Variants in ADH1B observed in about 807,000 individuals in gnomAD.
ADH1B encodes the protein alcohol dehydrogenase 1B (class I), beta polypeptide.
ADH1B carries 29 observed loss-of-function variants against 34.6 expected under a neutral mutation model. The ratio of observed to expected loss-of-function variants is 0.84; its 90% confidence interval spans 0.62 to 1.14. The LOEUF (loss-of-function observed/expected upper bound fraction) is 1.14, where lower values mean the gene tolerates loss of function less well. Among genes scored for constraint, ADH1B ranks in the 50% most tolerant of loss-of-function variants. The pLI is 0.00. For missense variants in ADH1B, 424 were observed against 468.4 expected, an observed-to-expected ratio of 0.91 and a Z score of 0.87; for synonymous variants, 170 against 175.5, an observed-to-expected ratio of 0.97 and a Z score of 0.25.
rs28914791 is a variant in ADH1B, at chr4:99,306,305, C to G, written c.*1535G>C. 1.3e-5 allele frequency: 2 copies of G among 152,180 alleles called. No individual in the cohort carries two copies. Among genetic ancestry groups the G allele is most frequent in the African/African-American group, 2.4e-5 (1 of 41,426 alleles). The allele number at this position is 152,180 out of a possible 1,614,324, so 9.4% of individuals were successfully genotyped here. ...ACAGGGATAAGCCACTGCGCCACCC[C>G]CCACCCCGCTTTAGCATTTTTGACA... On this transcript the variant is annotated 3_prime_UTR_variant, in exon 9 of 9. Coordinates refer to ENST00000305046, the MANE Select transcript of ADH1B (RefSeq NM_000668.6).
chr4:99,320,835 G>C lies in ADH1B; in HGVS notation c.18+479C>G, dbSNP rs919795180. ...TGTGAAATCAATGAGTATTTTGTAAGATATTTTATAGTAAGGTTAAAGGAT... is the reference window on the plus strand; with the variant it reads ...TGTGAAATCAATGAGTATTTTGTAACATATTTTATAGTAAGGTTAAAGGAT... On this transcript the variant is annotated intron_variant, in intron 1 of 8. Transcript: ENST00000305046. 3 of 1,228,308 alleles carry C rather than the reference G, an allele frequency of 2.4e-6. No homozygotes were observed. The African/African-American group carries it at 4.8e-5, about 20-fold the overall frequency. 76.1% of individuals were successfully genotyped at this position (1,228,308 alleles called of 1,614,324 possible).
rs1733877113 is a variant in ADH1B, at chr4:99,316,068, A to C, written c.397T>G (p.Cys133Gly). 4 of 1,614,102 alleles carry C rather than the reference A, an allele frequency of 2.5e-6. No individual in the cohort carries two copies. The highest frequency in any genetic ancestry group is 1.7e-5 in the Admixed American group (1 of 60,010). Residue 133 changes from cysteine to glycine, a missense_variant, in exon 5 of 9, where the codon TGC becomes GGC. This residue lies in a region of ADH1B where 291 missense variants were observed against 300.4 expected (regional missense o/e 0.97). Transcript: ENST00000305046. ...AAGTGGTGAATGGGCTTCCCCCTGC[A>C]GGTGAACCTCCTGGTGCCATCCTGC... is the stretch of plus-strand genomic sequence containing the variant. Reference protein sequence around the residue: ...TLQDGTRRFTCRGKPIHHFLG... With the variant: ...TLQDGTRRFTGRGKPIHHFLG...
At position 99,316,141 on chromosome 4, in the gene ADH1B, C is replaced by T. The variant is rs1733879708; in HGVS notation, c.348-24G>A. The T allele has an allele frequency of 1.9e-6, 3 of 1,614,150 alleles. No individual in the cohort carries two copies. The African/African-American group carries it at 4.0e-5, about 22-fold the overall frequency. On this transcript the variant is annotated intron_variant, in intron 4 of 8. Coordinates refer to ENST00000305046, the MANE Select transcript of ADH1B (RefSeq NM_000668.6). ...GACTGGGCAGTGCAATACACAGACA[C>T]ACAAAGGCATGAGACAGGAGCATAA...
intron 8 of ADH1B, among the ~76,000 whole-genome samples, chr4:99,308,824 C>T (rs2110628789): frequency 6.6e-6 from 1 of 152,124 alleles, no homozygotes; most frequent in Non-Finnish European, 1.5e-5. Context: ...TCTTGAATTT[C>T]TATGAACTTT....
chr4:99,309,436 T>C (rs1733694037), intron 8 of ADH1B, among the ~76,000 whole-genome samples: 1 of 152,210 alleles, frequency 6.6e-6, no homozygotes, highest in Non-Finnish European at 1.5e-5. Flanking sequence ...TATTTACATA[T>C]GCATATTACT....
At position 99,307,713 on chromosome 4, in the gene ADH1B, C is replaced by A. The variant is rs979639583; in HGVS notation, c.*127G>T. 1.7e-5 allele frequency: 19 copies of A among 1,109,518 alleles called. No individual in the cohort carries two copies. The African/African-American group carries it at 1.8e-4, about 10-fold the overall frequency. 68.7% of individuals were successfully genotyped at this position (1,109,518 alleles called of 1,614,324 possible). On this transcript the variant is annotated 3_prime_UTR_variant, in exon 9 of 9. Transcript: ENST00000305046. ...CATCAATTTCCATTTCTTTGGAAAG[C>A]CCCCATGTGTAATTTATTGATAACA...
intron 5 of ADH1B, chr4:99,315,279 G>T (rs1733852353): frequency 1.9e-5 from 3 of 154,768 alleles, no homozygotes; most frequent in African/African-American, 4.8e-5. Context: ...AGCCTTTAAA[G>T]AATTTCTGCT....
intron 3 of ADH1B, 161 bp from the exon 4 acceptor site, chr4:99,316,463 A>G (rs1733889037): frequency 1.2e-6 from 1 of 811,758 alleles, no homozygotes; most frequent in East Asian, 2.7e-5. Context: ...CTGCCACAGC[A>G]TTGTTTTCAG....
chr4:99,307,815 T>C lies in ADH1B; in HGVS notation c.*25A>G. 1 of 1,613,490 alleles carries C rather than the reference T, an allele frequency of 6.2e-7. No homozygotes were observed. The highest frequency in any genetic ancestry group is 8.5e-7 in the Non-Finnish European group (1 of 1,179,458). On this transcript the variant is annotated 3_prime_UTR_variant, in exon 9 of 9. Coordinates refer to ENST00000305046, the MANE Select transcript of ADH1B (RefSeq NM_000668.6). ...TAGGGTAGAGGAGGCTGAAGACTGCTACAGGGGAAGGCATCTCTATTGCCT... is the reference window on the plus strand; with the variant it reads ...TAGGGTAGAGGAGGCTGAAGACTGCCACAGGGGAAGGCATCTCTATTGCCT...
At chr4:99,319,270 T>C (rs1316655230) in intron 1 of ADH1B, 5 of 314,268 alleles carry the variant, frequency 1.6e-5, no homozygotes, top group Non-Finnish European at 3.1e-5. Context: ...AGAGTCAGTG[T>C]CTGTCTACAT....
rs1044919076 is a variant in ADH1B, at chr4:99,305,141, T to C, written c.*2699A>G. On this transcript the variant is annotated 3_prime_UTR_variant, in exon 9 of 9. Transcript: ENST00000305046. ...AAGCACCAGGATTTTAGAAATATCT[T>C]TTTTTTTGGTCAATCATATATGACC... is the stretch of plus-strand genomic sequence containing the variant. 6.6e-6 allele frequency: 1 copy of C among 151,772 alleles called. No homozygotes were observed. The highest frequency in any genetic ancestry group is 2.4e-5 in the African/African-American group (1 of 41,342). The allele number at this position is 151,772 out of a possible 1,614,324, so 9.4% of individuals were successfully genotyped here.
Position 99,307,094 on chromosome 4 carries a change from T to A in ADH1B, c.*746A>T, listed in dbSNP as rs1435520423. Reference sequence around the variant, plus strand: ...CACTTTCATCAGCAAAAATTACAGATTTTTTGAACATGATTCTGGGAATAG... The same window carrying A: ...CACTTTCATCAGCAAAAATTACAGAATTTTTGAACATGATTCTGGGAATAG... On this transcript the variant is annotated 3_prime_UTR_variant, in exon 9 of 9. Coordinates refer to ENST00000305046, the MANE Select transcript of ADH1B (RefSeq NM_000668.6). 6.6e-6 allele frequency: 1 copy of A among 152,224 alleles called. No individual in the cohort carries two copies. Among genetic ancestry groups the A allele is most frequent in the Non-Finnish European group, 1.5e-5 (1 of 68,034 alleles). 9.4% of individuals were successfully genotyped at this position (152,224 alleles called of 1,614,324 possible).
chr4:99,316,658 CTATAAG>C (rs753584697), intron 3 of ADH1B: 139 of 166,590 alleles, frequency 8.3e-4, no homozygotes, highest in Non-Finnish European at 1.5e-3. Context: ...AATATTCTTA[CTATAAG>C]TATAAATATA....
At chr4:99,311,683 C>T (rs780301239) in intron 6 of ADH1B, 27 bp from the exon 7 acceptor site, 4 of 1,611,934 alleles carry the variant, frequency 2.5e-6, no homozygotes, top group Non-Finnish European at 3.4e-6. Flanking sequence ...ATTTAGCATC[C>T]TTAACGTGGA....
At chr4:99,320,164 G>C (rs977586000) in intron 1 of ADH1B, 21 of 152,032 alleles carry the variant, frequency 1.4e-4, no homozygotes, top group African/African-American at 4.8e-4. Flanking sequence ...AGTGTAGACT[G>C]AACCCAATAT....
chr4:99,317,099 T>C (rs554787625), intron 3 of ADH1B: 1 of 152,322 alleles, frequency 6.6e-6, no homozygotes, highest in East Asian at 1.9e-4. Flanking sequence ...ATACTTTGGA[T>C]AGTTTATTTT....
In ADH1B at chr4:99,307,643, T is replaced by G. The variant is rs993872145; in HGVS notation, c.*197A>C. On this transcript the variant is annotated 3_prime_UTR_variant, in exon 9 of 9. Coordinates refer to ENST00000305046, the MANE Select transcript of ADH1B (RefSeq NM_000668.6). ...TCCCCAGCTGATGTTCAACACTTTA[T>G]TTACTTCTCACTTGAATTTTAAATT... The G allele has an allele frequency of 2.8e-6, 2 of 707,256 alleles. No individual in the cohort carries two copies. Among genetic ancestry groups the G allele is most frequent in the Non-Finnish European group, 4.8e-6 (2 of 417,210 alleles). 43.8% of individuals were successfully genotyped at this position (707,256 alleles called of 1,614,324 possible).
At chr4:99,317,893 G>T in intron 3 of ADH1B, 153 bp downstream of exon 3, 1 of 1,294,608 alleles carries the variant, frequency 7.7e-7, no homozygotes, top group Non-Finnish European at 1.1e-6. Context: ...CTTGGGTCAG[G>T]CAGGCAGAGA....
chr4:99,317,836 C>T, intron 3 of ADH1B: 1 of 711,216 alleles, frequency 1.4e-6, no homozygotes, highest in South Asian at 2.1e-5. Context: ...ATACTCGGTA[C>T]ATAATGGTTG....
Sources: gnomAD v4.1 joint callset for allele counts (sites outside exome capture counted in the v4.1 genomes callset) on GRCh38, gnomAD v4.1.1 for gene constraint, gnomAD v4.1.1 regional missense constraint, MANE v1.5 for transcripts, NCBI Gene and HGNC (gene_info 2026-07-23, HGNC 2026-07-21) for gene names.